The following PTGER4 variants were observed in gnomAD, a reference collection of about 807,000 sequenced individuals.
The protein encoded by PTGER4 is prostaglandin E receptor 4.
In PTGER4, 11 loss-of-function variants were observed where a neutral mutation model predicts 33.2. That is an observed-to-expected ratio of 0.33 (90% CI 0.21 to 0.55). The LOEUF is 0.55. Ranked by LOEUF, PTGER4 falls within the 20% of genes least tolerant of loss-of-function variation. The pLI is 0.92. For synonymous variants in PTGER4, 275 were observed against 281.5 expected, an observed-to-expected ratio of 0.98 and a Z score of 0.23; for missense variants, 481 against 650.2, an observed-to-expected ratio of 0.74 and a Z score of 2.83.
chr5:40,682,523 G>T (rs1442258061), intron 2 of PTGER4, among the ~76,000 whole-genome samples: 1 of 152,134 alleles, frequency 6.6e-6, no homozygotes, highest in Admixed American at 6.6e-5. Flanking sequence ...CCCTGGGAGG[G>T]CAGCTTAAAG....
chr5:40,709,384 C>T, the PTGER4 span, among the ~76,000 whole-genome samples: 77 of 152,176 alleles, frequency 5.1e-4, 1 homozygote, highest in African/African-American at 1.8e-3. Context: ...TCTTATACAC[C>T]AATAACAGAC....
chr5:40,734,427 G>T, the PTGER4 span, among the ~76,000 whole-genome samples: 6 of 152,146 alleles, frequency 3.9e-5, no homozygotes, highest in Non-Finnish European at 8.8e-5. Flanking sequence ...GTCTGATTCC[G>T]CCAGTTTAAG....
the PTGER4 span, among the ~76,000 whole-genome samples, chr5:40,724,914 G>A: frequency 1.3e-5 from 2 of 148,782 alleles, no homozygotes; most frequent in Non-Finnish European, 3.0e-5. Context: ...GTGCAGTGGT[G>A]CGATCTCAGC....
chr5:40,681,482 G>T lies in PTGER4; in HGVS notation c.489G>T (p.Leu163=), dbSNP rs746666554. The change falls in exon 2 of 3, where the codon CTG becomes CTT. Residue 163 remains leucine, a synonymous_variant. Coordinates refer to ENST00000302472, the MANE Select transcript of PTGER4 (RefSeq NM_000958.3). The surrounding 1 kb of genome is among the most constrained non-coding windows in gnomAD (Gnocchi z 9.8). ...ACATGGGTCTCGGTAGCTCGCGGCT[G>T]CAGTACCCAGACACCTGGTGCTTCA... ...LPNMGLGSSR[L]QYPDTWCFID... is the part of the protein sequence containing the mutation. 6 of 1,613,466 alleles carry T rather than the reference G, an allele frequency of 3.7e-6. No homozygotes were observed.
chr5:40,681,766 G>T lies in PTGER4; in HGVS notation c.773G>T (p.Arg258Leu). 1 of 1,595,684 alleles carries T rather than the reference G, an allele frequency of 6.3e-7. No individual in the cohort carries two copies. ...CGCCTCAGCGACTTTCGGCGCCGCC[G>T]GAGCTTCCGCCGCATCGCGGGCGCC... is the stretch of plus-strand genomic sequence containing the variant. ...LPRLSDFRRR[R>L]SFRRIAGAEI... The change falls in exon 2 of 3, where the codon CGG becomes CTG. Residue 258 changes from arginine (R) to leucine (L), a missense_variant. Physicochemically the swap from Arg to Leu is moderately radical, Grantham distance 102 (BLOSUM62 -2). Transcript: ENST00000302472. The surrounding 1 kb of genome is among the most constrained non-coding windows in gnomAD (Gnocchi z 9.8).
the PTGER4 span, among the ~76,000 whole-genome samples, chr5:40,708,300 A>G: frequency 3.9e-5 from 6 of 152,220 alleles, no homozygotes; most frequent in African/African-American, 1.4e-4. Flanking sequence ...CTAATAAAGA[A>G]GAAAAGAGAG....
chr5:40,746,739 G>C, the PTGER4 span: 4 of 1,261,696 alleles, frequency 3.2e-6, no homozygotes, highest in African/African-American at 4.5e-5. Context: ...ATCCCATTAC[G>C]GACAGTGAGC....
chr5:40,715,206 T>C, the PTGER4 span: 1 of 152,078 alleles, frequency 6.6e-6, no homozygotes, highest in East Asian at 1.9e-4. Context: ...CACTGAGTAG[T>C]TTCAAAAAAA....
chr5:40,707,328 G>A, the PTGER4 span, among the ~76,000 whole-genome samples: 17 of 152,228 alleles, frequency 1.1e-4, no homozygotes, highest in Admixed American at 7.9e-4. Context: ...ATAAAGGGAC[G>A]GAGGAAGATC....
chr5:40,734,913 G>GA, the PTGER4 span, among the ~76,000 whole-genome samples: 7 of 152,308 alleles, frequency 4.6e-5, no homozygotes, highest in African/African-American at 1.4e-4. Context: ...ATGTGATAGG[G>GA]AGTGACCAAG....
At chr5:40,716,047 C>A in the PTGER4 span, 1 of 994,504 alleles carries the variant, frequency 1.0e-6, no homozygotes, top group Non-Finnish European at 1.4e-6. Context: ...ATTTTACAAC[C>A]AGGCGTTCTC....
chr5:40,718,732 C>T, the PTGER4 span, among the ~76,000 whole-genome samples: 4 of 150,462 alleles, frequency 2.7e-5, no homozygotes, highest in East Asian at 2.0e-4. Flanking sequence ...AGCAAGATTC[C>T]GTCTCGAAAA....
chr5:40,691,327 G>A lies in PTGER4; in HGVS notation c.868-452G>A, dbSNP rs1054874068. The stretch of plus-strand genomic sequence containing the variant: ...CTCCCGAGTAGCTGGGACTACAGGC[G>A]CATGCCACCACACCCAGCTAATTTT... On this transcript the variant is annotated intron_variant, in intron 2 of 2. Coordinates refer to ENST00000302472, the MANE Select transcript of PTGER4 (RefSeq NM_000958.3). The surrounding 1 kb of genome is among the most constrained non-coding windows in gnomAD (Gnocchi z 4.2). 3.3e-5 allele frequency among the ~76,000 whole-genome samples: 5 copies of A among 152,190 alleles called. No individual in the cohort carries two copies. Among genetic ancestry groups the A allele is most frequent in the Admixed American group, 6.5e-5 (1 of 15,288 alleles).
chr5:40,702,053 AC>A, the PTGER4 span, among the ~76,000 whole-genome samples: 1 of 152,158 alleles, frequency 6.6e-6, no homozygotes, highest in African/African-American at 2.4e-5. Context: ...GAAAGGAAAG[AC>A]CTCTAGCAGC....
the PTGER4 span, among the ~76,000 whole-genome samples, chr5:40,708,498 T>C: frequency 6.6e-6 from 1 of 152,192 alleles, no homozygotes; most frequent in Non-Finnish European, 1.5e-5. Context: ...GTTGAATCTC[T>C]GAATAGACCA....
At chr5:40,741,911 C>G in the PTGER4 span, among the ~76,000 whole-genome samples, 2 of 152,086 alleles carry the variant, frequency 1.3e-5, no homozygotes, top group African/African-American at 4.8e-5. Context: ...ACCGCTTGAG[C>G]CTGGGAGACA....
downstream of PTGER4, among the ~76,000 whole-genome samples, chr5:40,695,181 C>CA (rs1234175880): frequency 6.6e-6 from 1 of 152,152 alleles, no homozygotes; most frequent in Admixed American, 6.5e-5. Context: ...GAGGCCAAGG[C>CA]AGTGGATCAC....
At chr5:40,738,535 AATAC>A in the PTGER4 span, among the ~76,000 whole-genome samples, 1 of 133,832 alleles carries the variant, frequency 7.5e-6, no homozygotes, top group African/African-American at 2.8e-5. Context: ...AATACAATAA[AATAC>A]AATAAAATAA....
In PTGER4 at chr5:40,680,966, C is replaced by G; in HGVS notation, c.-28C>G. The stretch of plus-strand genomic sequence containing the variant: ...CCATCCCCAGACCCAGCCTTGCACT[C>G]CAAGGCTGCGCACCGCCAGCCACTA... On this transcript the variant is annotated 5_prime_UTR_variant, in exon 2 of 3. Transcript: ENST00000302472. The surrounding 1 kb of genome is among the most constrained non-coding windows in gnomAD (Gnocchi z 5.5). 1.3e-6 allele frequency: 2 copies of G among 1,584,080 alleles called. No individual in the cohort carries two copies. The highest frequency in any genetic ancestry group is 1.3e-5 in the African/African-American group (1 of 74,676).
Sources: gnomAD v4.1 joint callset for allele counts (sites outside exome capture counted in the v4.1 genomes callset) on GRCh38, gnomAD v4.1.1 for gene constraint, Gnocchi (gnomAD v3.1) non-coding constraint, MANE v1.5 for transcripts, NCBI Gene and HGNC (gene_info 2026-07-23, HGNC 2026-07-21) for gene names.